The following NEGR1 variants were observed in gnomAD, a reference collection of about 807,000 sequenced individuals.
The protein encoded by NEGR1 is IgLON family member 4.
A neutral mutation model predicts 40.9 loss-of-function variants in NEGR1; 10 were observed. That is an observed-to-expected ratio of 0.24 (90% CI 0.15 to 0.42). The LOEUF (loss-of-function observed/expected upper bound fraction) is 0.42. NEGR1 is among the 10% of genes least tolerant of loss of function. The pLI is 1.00. For missense variants in NEGR1, 352 were observed against 438.9 expected (o/e 0.80, Z 1.77); for synonymous variants, 185 against 166.8 (o/e 1.11, Z -0.84).
At chr1:71,806,736 T>C (rs569053956) in intron 2 of NEGR1, among the ~76,000 whole-genome samples, 3 of 152,072 alleles carry the variant, frequency 2.0e-5, no homozygotes, top group East Asian at 3.9e-4. Context: ...AAGTGGGTAG[T>C]TAATCTCCCC....
At chr1:71,632,853 G>C (rs1651020002) in intron 4 of NEGR1, among the ~76,000 whole-genome samples, 1 of 151,940 alleles carries the variant, frequency 6.6e-6, no homozygotes, top group African/African-American at 2.4e-5. Context: ...TTATGGGAAA[G>C]CATTTCCAAG....
At chr1:71,723,752 G>A (rs1279550118) in intron 3 of NEGR1, among the ~76,000 whole-genome samples, 1 of 152,130 alleles carries the variant, frequency 6.6e-6, no homozygotes, top group Non-Finnish European at 1.5e-5. Context: ...GAACCAGAGA[G>A]GGGGAAGTGG....
intron 1 of NEGR1, among the ~76,000 whole-genome samples, chr1:71,994,583 C>A (rs1383528832): frequency 2.0e-5 from 3 of 151,404 alleles, no homozygotes; most frequent in Non-Finnish European, 2.9e-5. Flanking sequence ...AATTTAAATC[C>A]CAAATATCTT....
chr1:71,921,868 G>T (rs942825785), intron 2 of NEGR1, among the ~76,000 whole-genome samples: 11 of 151,758 alleles, frequency 7.2e-5, no homozygotes, highest in Non-Finnish European at 1.5e-4. Context: ...GGAGTCAAAG[G>T]TTATGTGCAG....
At position 72,016,058 on chromosome 1, in the gene NEGR1, T is replaced by C. The variant is rs114819118; in HGVS notation, c.177-80747A>G. Among the ~76,000 whole-genome samples the C allele has an allele frequency of 6.0e-3, 916 of 152,334 alleles. 9 individuals are homozygous for C. The highest frequency in any genetic ancestry group is 8.9e-3 in the Non-Finnish European group (608 of 68,032). ...GAAATTATCCTTCATTCTGAGATCA[T>C]GTCAGTCTCACATTTTTGCATTTAA... On this transcript the variant is annotated intron_variant, in intron 1 of 6. Coordinates refer to ENST00000357731, the MANE Select transcript of NEGR1 (RefSeq NM_173808.3).
At chr1:71,949,769 C>A (rs1284941424) in intron 1 of NEGR1, among the ~76,000 whole-genome samples, 2 of 152,108 alleles carry the variant, frequency 1.3e-5, no homozygotes, top group Non-Finnish European at 1.5e-5. Context: ...TGCCCACTGT[C>A]TAGAGAGTCT....
At chr1:71,579,389 A>G (rs1292159142) in intron 6 of NEGR1, among the ~76,000 whole-genome samples, 1 of 152,236 alleles carries the variant, frequency 6.6e-6, no homozygotes, top group Non-Finnish European at 1.5e-5. Flanking sequence ...TGTATTCCCA[A>G]CACAGCATGA....
intron 4 of NEGR1, among the ~76,000 whole-genome samples, chr1:71,622,518 A>G (rs1461647176): frequency 1.3e-5 from 2 of 151,958 alleles, no homozygotes; most frequent in Non-Finnish European, 2.9e-5. Flanking sequence ...AGATCCCTGT[A>G]AAACATAAGA....
At chr1:72,263,214 T>G (rs1366771785) in intron 1 of NEGR1, among the ~76,000 whole-genome samples, 1 of 151,634 alleles carries the variant, frequency 6.6e-6, no homozygotes, top group Non-Finnish European at 1.5e-5. Flanking sequence ...GAATTCAACT[T>G]TGTAGAAACA....
chr1:72,108,968 C>A (rs1327041102), intron 1 of NEGR1, among the ~76,000 whole-genome samples: 1 of 151,600 alleles, frequency 6.6e-6, no homozygotes, highest in Non-Finnish European at 1.5e-5. Context: ...AAAGTCTTCT[C>A]CTGGCTGCAG....
At chr1:71,993,390 G>C (rs2100363394) in intron 1 of NEGR1, among the ~76,000 whole-genome samples, 1 of 152,224 alleles carries the variant, frequency 6.6e-6, no homozygotes, top group South Asian at 2.1e-4. Flanking sequence ...TGGCAGTGTA[G>C]GTAAGCCATT....
At chr1:72,118,531 G>A (rs75509510) in intron 1 of NEGR1, among the ~76,000 whole-genome samples, 1,634 of 151,902 alleles carry the variant, frequency 0.011, 35 homozygotes, top group African/African-American at 0.038. Context: ...AGCTAAGGTG[G>A]TGTGATCCTG....
At chr1:72,081,062 GA>G (rs1425745316) in intron 1 of NEGR1, among the ~76,000 whole-genome samples, 1 of 152,068 alleles carries the variant, frequency 6.6e-6, no homozygotes, top group Non-Finnish European at 1.5e-5. Flanking sequence ...CTGTAATATA[GA>G]AGGAAAAATG....
chr1:71,466,609 G>A (rs1646747899), intron 6 of NEGR1, among the ~76,000 whole-genome samples: 1 of 152,060 alleles, frequency 6.6e-6, no homozygotes, highest in African/African-American at 2.4e-5. Flanking sequence ...AGTCATGATT[G>A]ACAAAAATGA....
intron 4 of NEGR1, among the ~76,000 whole-genome samples, chr1:71,652,575 A>G (rs1651752789): frequency 6.6e-6 from 1 of 152,206 alleles, no homozygotes; most frequent in Non-Finnish European, 1.5e-5. Flanking sequence ...TATTTTGCCC[A>G]TTATAGAAAA....
Position 72,243,595 on chromosome 1 carries a change from GATATTGAGT to G in NEGR1, c.176+38715_176+38723del, listed in dbSNP as rs147553368. On this transcript the variant is annotated intron_variant, in intron 1 of 6. Transcript: ENST00000357731. ...TCTGTGCTCCTGTCCAACCAGTCTTGATATTGAGTATATTTAAGTTCATTAATAAAGTTT... is the reference window on the plus strand; with the variant it reads ...TCTGTGCTCCTGTCCAACCAGTCTTGATATTTAAGTTCATTAATAAAGTTT... 8.4e-3 allele frequency among the ~76,000 whole-genome samples: 1,275 copies of G among 151,740 alleles called. 18 individuals carry two copies. The highest frequency in any genetic ancestry group is 0.029 in the African/African-American group (1,213 of 41,452).
At chr1:71,964,021 G>C (rs1174920156) in intron 1 of NEGR1, among the ~76,000 whole-genome samples, 1 of 152,062 alleles carries the variant, frequency 6.6e-6, no homozygotes, top group African/African-American at 2.4e-5. Context: ...TGTTCTTTCT[G>C]TCCTCAAAAT....
intron 6 of NEGR1, among the ~76,000 whole-genome samples, chr1:71,473,205 G>C (rs1646793822): frequency 1.3e-5 from 2 of 152,102 alleles, no homozygotes; most frequent in Middle Eastern, 3.4e-3. Flanking sequence ...TTCAATACCA[G>C]TCAGAATAAA....
chr1:72,191,025 G>GTT (rs572395328), intron 1 of NEGR1, among the ~76,000 whole-genome samples: 1 of 150,124 alleles, frequency 6.7e-6, no homozygotes, highest in Non-Finnish European at 1.5e-5. Flanking sequence ...TAATTTTATA[G>GTT]TTTTTTTTTA....
Sources: gnomAD v4.1 joint callset for allele counts (sites outside exome capture counted in the v4.1 genomes callset) on GRCh38, gnomAD v4.1.1 for gene constraint, MANE v1.5 for transcripts, NCBI Gene and HGNC (gene_info 2026-07-23, HGNC 2026-07-21) for gene names.